Variants in STPG2 observed in about 807,000 individuals in gnomAD.
STPG2 encodes sperm tail PG-rich repeat containing 2, also known as sperm-tail PG-rich repeat-containing protein 2.
In STPG2, 56 loss-of-function variants were observed where a neutral mutation model predicts 54.2. The observed-to-expected ratio is 1.03, with a 90% CI of 0.83 to 1.29. The LOEUF (loss-of-function observed/expected upper bound fraction) is 1.29. Among genes scored for constraint, STPG2 ranks in the 50% most tolerant of loss-of-function variants. The probability of loss-of-function intolerance (pLI) is 0.00; values close to 1 mark genes in which losing one functional copy is unlikely to be tolerated. For missense variants in STPG2, 596 were observed against 544.9 expected (o/e 1.09, Z -0.93); for synonymous variants, 200 against 181.8 (o/e 1.10, Z -0.81).
At chr4:97,958,621 A>G (rs1222585273) in intron 7 of STPG2, among the ~76,000 whole-genome samples, 2 of 152,204 alleles carry the variant, frequency 1.3e-5, no homozygotes, top group African/African-American at 4.8e-5. Flanking sequence ...CAAACTTTAA[A>G]GCAACAGCAG....
intron 8 of STPG2, among the ~76,000 whole-genome samples, chr4:97,925,213 G>T (rs1380958199): frequency 6.6e-6 from 1 of 152,184 alleles, no homozygotes. Context: ...ACAGGCAATA[G>T]CACTCAATCA....
At chr4:97,569,751 T>C (rs540982708) in intron 10 of STPG2, among the ~76,000 whole-genome samples, 2 of 152,030 alleles carry the variant, frequency 1.3e-5, no homozygotes, top group Non-Finnish European at 2.9e-5. Flanking sequence ...AAATCATCAA[T>C]TGATGCTAAA....
At chr4:97,770,126 G>A (rs1305701324) in intron 9 of STPG2, among the ~76,000 whole-genome samples, 7 of 152,120 alleles carry the variant, frequency 4.6e-5, no homozygotes, top group Non-Finnish European at 4.4e-5. Context: ...CAGGAAAGTC[G>A]CTTGAACCTG....
At chr4:98,085,836 T>TA (rs1428131858) in intron 5 of STPG2, among the ~76,000 whole-genome samples, 1 of 152,100 alleles carries the variant, frequency 6.6e-6, no homozygotes, top group Non-Finnish European at 1.5e-5. Context: ...AATGAGTCTA[T>TA]AATATGGGTT....
At chr4:97,908,607 A>C (rs1328466868) in intron 8 of STPG2, among the ~76,000 whole-genome samples, 1 of 152,006 alleles carries the variant, frequency 6.6e-6, no homozygotes, top group African/African-American at 2.4e-5. Flanking sequence ...AAAGACTTGG[A>C]ACCAACCCAA....
chr4:97,928,225 T>C (rs992425780), intron 8 of STPG2, among the ~76,000 whole-genome samples: 4 of 152,200 alleles, frequency 2.6e-5, no homozygotes, highest in Non-Finnish European at 5.9e-5. Context: ...TAAACTCATC[T>C]GGTAGGGCAA....
chr4:97,500,444 T>G (rs1307987558), intron 4 of STPG2, among the ~76,000 whole-genome samples: 1 of 151,898 alleles, frequency 6.6e-6, no homozygotes, highest in Non-Finnish European at 1.5e-5. Flanking sequence ...CAAATGGAGA[T>G]TTGATGTGTG....
intron 8 of STPG2, among the ~76,000 whole-genome samples, chr4:97,907,501 G>C (rs1412226102): frequency 6.6e-6 from 1 of 151,976 alleles, no homozygotes; most frequent in Admixed American, 6.6e-5. Flanking sequence ...TTTCTTCACA[G>C]AATTGGAAAA....
At chr4:98,142,862 T>A (rs1740337042) in intron 1 of STPG2, among the ~76,000 whole-genome samples, 180 bp downstream of exon 1, 1 of 152,234 alleles carries the variant, frequency 6.6e-6, no homozygotes, top group Admixed American at 6.5e-5. Flanking sequence ...ATGGGACAAG[T>A]GATACTATCA....
intron 9 of STPG2, among the ~76,000 whole-genome samples, chr4:97,833,092 G>A (rs7695560): frequency 1.9e-3 from 295 of 152,190 alleles, no homozygotes; most frequent in African/African-American, 7.0e-3. Flanking sequence ...GAGGCATCAG[G>A]CTACCTGACT....
intron 8 of STPG2, among the ~76,000 whole-genome samples, chr4:97,909,556 T>A (rs1206111961): frequency 6.6e-6 from 1 of 152,122 alleles, no homozygotes; most frequent in African/African-American, 2.4e-5. Context: ...ACAAAAGTCC[T>A]AAATAAAATA....
At chr4:98,103,889 A>G (rs1739116416) in intron 5 of STPG2, among the ~76,000 whole-genome samples, 1 of 152,068 alleles carries the variant, frequency 6.6e-6, no homozygotes, top group Non-Finnish European at 1.5e-5. Flanking sequence ...TATCACCTTC[A>G]TGAGTATGAC....
intron 9 of STPG2, among the ~76,000 whole-genome samples, chr4:97,740,701 G>T (rs1447925524): frequency 1.3e-5 from 2 of 151,876 alleles, no homozygotes; most frequent in East Asian, 1.9e-4. Flanking sequence ...CACTGCTCAA[G>T]GAAATAAAAG....
intron 10 of STPG2, among the ~76,000 whole-genome samples, chr4:97,677,927 A>T (rs1376776500): frequency 6.6e-6 from 1 of 152,158 alleles, no homozygotes; most frequent in East Asian, 1.9e-4. Context: ...AGATTAGGAG[A>T]TTGTTGTAGT....
At chr4:97,709,273 A>G (rs921362126) in intron 10 of STPG2, among the ~76,000 whole-genome samples, 24 of 151,866 alleles carry the variant, frequency 1.6e-4, no homozygotes, top group African/African-American at 5.5e-4. Flanking sequence ...GTAATAAACA[A>G]TAAGAATCTC....
chr4:97,468,880 A>G (rs1487313072), intron 4 of STPG2, among the ~76,000 whole-genome samples: 2 of 152,072 alleles, frequency 1.3e-5, no homozygotes, highest in African/African-American at 2.4e-5. Context: ...AGGCTACTTT[A>G]AGGTTTCTCA....
At position 97,839,641 on chromosome 4, in the gene STPG2, C is replaced by T. The variant is rs920565393; in HGVS notation, c.1204+1132G>A. Among the ~76,000 whole-genome samples, 4 of 151,294 alleles carry T rather than the reference C, an allele frequency of 2.6e-5. 1 individual carries two copies. The highest frequency in any genetic ancestry group is 9.7e-5 in the African/African-American group (4 of 41,310). ...TCCTACTTCACAGCAAAGCTAAAACCTCACAAAATCAACATGGTGTAATAA... is the reference window on the plus strand; with the variant it reads ...TCCTACTTCACAGCAAAGCTAAAACTTCACAAAATCAACATGGTGTAATAA... On this transcript the variant is annotated intron_variant, in intron 9 of 10. Transcript: ENST00000295268.
At chr4:97,758,198 C>T (rs564089169) in intron 9 of STPG2, among the ~76,000 whole-genome samples, 2 of 151,806 alleles carry the variant, frequency 1.3e-5, no homozygotes, top group Non-Finnish European at 2.9e-5. Context: ...ATAGAAAGGC[C>T]CTAGAGGGCA....
intron 5 of STPG2, among the ~76,000 whole-genome samples, chr4:97,994,473 T>C (rs1735133919): frequency 6.6e-6 from 1 of 152,220 alleles, no homozygotes. Flanking sequence ...TGTAAATATC[T>C]GTTAAGTCCA....
Sources: allele counts gnomAD v4.1 joint callset (sites outside exome capture counted in the v4.1 genomes callset), GRCh38; gene constraint gnomAD v4.1.1; transcripts MANE v1.5; gene names NCBI Gene and HGNC (gene_info 2026-07-23, HGNC 2026-07-21).